Variants in ZFPM2 observed in about 807,000 individuals in gnomAD.
The protein encoded by ZFPM2 is zinc finger protein, FOG family member 2.
Under a neutral mutation model 98.6 loss-of-function variants are expected in ZFPM2, and 20 were observed. The ratio of observed to expected loss-of-function variants is 0.20; its 90% CI spans 0.14 to 0.29. The LOEUF (loss-of-function observed/expected upper bound fraction) is 0.29. Ranked by LOEUF, ZFPM2 falls within the 10% of genes least tolerant of loss-of-function variation. The probability of loss-of-function intolerance (pLI) is 1.00; values close to 1 mark genes in which losing one functional copy is unlikely to be tolerated. For missense variants in ZFPM2, 1,310 were observed against 1,388.6 expected (o/e 0.94, Z 0.90); for synonymous variants, 518 against 502.7 (o/e 1.03, Z -0.41).
intron 5 of ZFPM2, among the ~76,000 whole-genome samples, chr8:105,714,442 T>G (rs1811472444): frequency 6.6e-6 from 1 of 152,096 alleles, no homozygotes; most frequent in African/African-American, 2.4e-5. Flanking sequence ...CCTATCTTTT[T>G]TGGATCACTT....
chr8:105,436,156 C>T (rs1812114682), intron 2 of ZFPM2, among the ~76,000 whole-genome samples: 1 of 152,064 alleles, frequency 6.6e-6, no homozygotes, highest in African/African-American at 2.4e-5. Context: ...TTTCTAAGTG[C>T]CAAGTAAAAT....
At chr8:105,639,526 T>C (rs548221605) in intron 5 of ZFPM2, among the ~76,000 whole-genome samples, 2 of 152,186 alleles carry the variant, frequency 1.3e-5, no homozygotes, top group Admixed American at 6.6e-5. Flanking sequence ...AATATTATTA[T>C]AAAAATCTAT....
chr8:105,504,155 C>T (rs951458827), intron 3 of ZFPM2, among the ~76,000 whole-genome samples: 1 of 152,148 alleles, frequency 6.6e-6, no homozygotes, highest in Non-Finnish European at 1.5e-5. Flanking sequence ...AGAATTCCTG[C>T]CAAGAGCACT....
chr8:105,532,158 T>C (rs373828916), intron 3 of ZFPM2, among the ~76,000 whole-genome samples: 66 of 152,276 alleles, frequency 4.3e-4, no homozygotes, highest in Middle Eastern at 6.8e-3. Flanking sequence ...TGTCTCGGGC[T>C]CCCAAATTGT....
At chr8:105,528,870 T>G (rs1258203748) in intron 3 of ZFPM2, 1 of 152,142 alleles carries the variant, frequency 6.6e-6, no homozygotes, top group Non-Finnish European at 1.5e-5. Flanking sequence ...ATTCCAGAAC[T>G]CTAAGCCAGC....
At chr8:105,475,733 G>C (rs1813001143) in intron 3 of ZFPM2, among the ~76,000 whole-genome samples, 1 of 152,158 alleles carries the variant, frequency 6.6e-6, no homozygotes, top group African/African-American at 2.4e-5. Flanking sequence ...TTCGTCAGCT[G>C]TTGTTAATTT....
chr8:105,414,006 C>T (rs1048503991), intron 1 of ZFPM2, among the ~76,000 whole-genome samples: 2 of 151,962 alleles, frequency 1.3e-5, no homozygotes, highest in South Asian at 2.1e-4. Flanking sequence ...TGACTTTCAT[C>T]CCACCTGTCA....
chr8:105,402,730 C>T (rs1446559867), intron 1 of ZFPM2, among the ~76,000 whole-genome samples: 2 of 151,910 alleles, frequency 1.3e-5, no homozygotes, highest in African/African-American at 4.8e-5. Flanking sequence ...TAAAAAAAAT[C>T]CTTTTATCTT....
intron 1 of ZFPM2, among the ~76,000 whole-genome samples, chr8:105,331,372 C>G (rs766925975): frequency 9.2e-5 from 14 of 151,478 alleles, no homozygotes; most frequent in Admixed American, 1.3e-4. Flanking sequence ...GTCTGACATT[C>G]ACTTTGATGT....
chr8:105,605,076 A>G (rs1329084404), intron 4 of ZFPM2, among the ~76,000 whole-genome samples: 4 of 152,142 alleles, frequency 2.6e-5, no homozygotes, highest in Non-Finnish European at 5.9e-5. Context: ...TTAATTTGAA[A>G]TAACTCCTCT....
At chr8:105,716,874 G>A (rs1811536529) in intron 5 of ZFPM2, among the ~76,000 whole-genome samples, 1 of 151,996 alleles carries the variant, frequency 6.6e-6, no homozygotes, top group Non-Finnish European at 1.5e-5. Flanking sequence ...TGAGCCTCCT[G>A]TTACAATGGA....
chr8:105,364,234 C>T (rs985931008), intron 1 of ZFPM2, among the ~76,000 whole-genome samples: 4 of 151,924 alleles, frequency 2.6e-5, no homozygotes, highest in Admixed American at 2.0e-4. Flanking sequence ...TTTTATAATG[C>T]TATAACATAC....
intron 1 of ZFPM2, among the ~76,000 whole-genome samples, chr8:105,327,939 A>C (rs571183078): frequency 5.3e-5 from 8 of 151,734 alleles, no homozygotes; most frequent in Non-Finnish European, 7.4e-5. Flanking sequence ...GTAAGCCTTC[A>C]TGCTCCTTGT....
chr8:105,723,178 G>A (rs1411837698), intron 5 of ZFPM2, among the ~76,000 whole-genome samples: 1 of 151,566 alleles, frequency 6.6e-6, no homozygotes, highest in Non-Finnish European at 1.5e-5. Flanking sequence ...TGTATTCACA[G>A]TCTCTTTCAT....
chr8:105,585,957 A>G (rs1209002372), intron 4 of ZFPM2, among the ~76,000 whole-genome samples: 3 of 149,766 alleles, frequency 2.0e-5, no homozygotes, highest in African/African-American at 7.4e-5. Flanking sequence ...GAGTATTTGC[A>G]TGAGTTAGGA....
intron 5 of ZFPM2, among the ~76,000 whole-genome samples, chr8:105,734,919 T>A (rs564669084): frequency 6.6e-6 from 1 of 151,036 alleles, no homozygotes; most frequent in Admixed American, 6.7e-5. Context: ...TACATATATA[T>A]GGAATATATC....
intron 4 of ZFPM2, among the ~76,000 whole-genome samples, chr8:105,600,557 CT>C (rs1449235650): frequency 6.6e-6 from 1 of 151,924 alleles, no homozygotes; most frequent in Non-Finnish European, 1.5e-5. Context: ...AATTTGCTAA[CT>C]TATTTTTATT....
chr8:105,672,168 A>G (rs1817609694), intron 5 of ZFPM2, among the ~76,000 whole-genome samples: 2 of 152,076 alleles, frequency 1.3e-5, no homozygotes. Flanking sequence ...ATACTTTAGT[A>G]GCATGTTTTA....
intron 7 of ZFPM2, among the ~76,000 whole-genome samples, 190 bp downstream of exon 7, chr8:105,799,138 G>A (rs990370271): frequency 9.2e-5 from 14 of 152,106 alleles, no homozygotes; most frequent in African/African-American, 3.4e-4. Context: ...AAGGACTTGG[G>A]TCTGAATTCT....
Sources: allele counts gnomAD v4.1 joint callset (sites outside exome capture counted in the v4.1 genomes callset), GRCh38; gene constraint gnomAD v4.1.1; transcripts MANE v1.5; gene names NCBI Gene and HGNC (gene_info 2026-07-23, HGNC 2026-07-21).